SLC12A2: variants seen among roughly 807,000 people sequenced by gnomAD.
The protein encoded by SLC12A2 is solute carrier family 12 member 2.
A neutral mutation model predicts 136.3 loss-of-function variants in SLC12A2; 67 were observed. The ratio of observed to expected loss-of-function variants is 0.49; its 90% confidence interval spans 0.40 to 0.60. The LOEUF is 0.60. Among genes scored for constraint, SLC12A2 ranks in the 20% least tolerant of loss-of-function variants. The pLI is 0.00. For synonymous variants in SLC12A2, 619 were observed against 562.9 expected, an observed-to-expected ratio of 1.10 and a Z score of -1.41; for missense variants, 1,322 against 1,534.7, an observed-to-expected ratio of 0.86 and a Z score of 2.32.
In SLC12A2 at chr5:128,091,586, T is replaced by A. The variant is rs534581439; in HGVS notation, c.756+6876T>A. Among the ~76,000 whole-genome samples, 143 of 152,302 alleles carry A rather than the reference T, an allele frequency of 9.4e-4. 1 individual carries two copies. The highest frequency in any genetic ancestry group is 3.2e-3 in the African/African-American group (132 of 41,560). On this transcript the variant is annotated intron_variant, in intron 1 of 26. Transcript: ENST00000262461. ...ACTGAAGTTAAAAACATTAGTGGTGTCTCATTTAAACCATGAAAGCTACTA... is the reference window on the plus strand; with the variant it reads ...ACTGAAGTTAAAAACATTAGTGGTGACTCATTTAAACCATGAAAGCTACTA...
chr5:128,147,803 A>G (rs1355698674), intron 11 of SLC12A2, 74 bp downstream of exon 11: 2 of 899,658 alleles, frequency 2.2e-6, no homozygotes, highest in East Asian at 2.5e-5. Flanking sequence ...AATTGTTGCT[A>G]TTTTCAAATT....
chr5:128,159,934 C>T (rs1304639334), intron 16 of SLC12A2, among the ~76,000 whole-genome samples: 2 of 152,168 alleles, frequency 1.3e-5, no homozygotes, highest in East Asian at 1.9e-4. Context: ...AAGACACATA[C>T]ACACGTATGT....
chr5:128,084,562 C>G lies in SLC12A2; in HGVS notation c.608C>G (p.Thr203Ser). 6.2e-7 allele frequency: 1 copy of G among 1,613,710 alleles called. No homozygotes were observed. The highest frequency in any genetic ancestry group is 1.1e-5 in the South Asian group (1 of 91,078). Residue 203 changes from threonine (T) to serine (S), a missense_variant, in exon 1 of 27, where the codon ACC becomes AGC. This residue lies in a region of SLC12A2 where 32 missense variants were observed against 63.6 expected (regional missense o/e 0.50). Transcript: ENST00000262461. This position sits in a 1 kb window ranked among gnomAD's most constrained non-coding sequence, Gnocchi z 5.6. ...SGHHQHYYYD[T>S]HTNTYYLRTF... is the part of the protein sequence containing the mutation. Reference sequence around the variant, plus strand: ...CACCACCAGCACTACTATTATGATACCCACACCAACACCTACTACCTGCGC... The same window carrying G: ...CACCACCAGCACTACTATTATGATAGCCACACCAACACCTACTACCTGCGC...
chr5:128,111,006 A>G, intron 1 of SLC12A2: 2 of 735,906 alleles, frequency 2.7e-6, no homozygotes, highest in Non-Finnish European at 5.0e-6. Flanking sequence ...GATATGCAAA[A>G]TAACTTCTAT....
chr5:128,177,408 A>T, intron 21 of SLC12A2: 1 of 292,658 alleles, frequency 3.4e-6, no homozygotes. Flanking sequence ...AGCCGGTATT[A>T]ATTTTTTTTA....
chr5:128,087,404 C>G (rs976875715), intron 1 of SLC12A2, among the ~76,000 whole-genome samples: 2 of 151,958 alleles, frequency 1.3e-5, no homozygotes, highest in Admixed American at 6.6e-5. Flanking sequence ...TTAAGTGTTA[C>G]GAAAGAAAAG....
chr5:128,164,194 G>A (rs559633483), intron 17 of SLC12A2, among the ~76,000 whole-genome samples: 4 of 152,230 alleles, frequency 2.6e-5, no homozygotes, highest in South Asian at 4.2e-4. Flanking sequence ...AGGGCCCAGC[G>A]TTTGCACTTC....
chr5:128,109,907 G>A (rs1581068664), intron 1 of SLC12A2: 1 of 803,644 alleles, frequency 1.2e-6, no homozygotes, highest in East Asian at 2.4e-5. Flanking sequence ...GCCTTTGCAA[G>A]ATAGTGCAGC....
chr5:128,134,183 A>G lies in SLC12A2; in HGVS notation c.1207A>G (p.Ile403Val), dbSNP rs1315183940. ...ELLKEHSILM[I>V]DEINDIRIIG... ...TTTCTAGGAACATTCCATACTTATG[A>G]TAGATGAAATCAATGATATCCGAAT... Residue 403 changes from isoleucine (I) to valine (V), a missense_variant, in exon 6 of 27, where the codon ATA (isoleucine) becomes GTA (valine). Ile to Val is a conservative substitution (Grantham distance 29). This residue lies in a region of SLC12A2 where 110 missense variants were observed against 114.5 expected (regional missense o/e 0.96). Coordinates refer to ENST00000262461, the MANE Select transcript of SLC12A2 (RefSeq NM_001046.3). 1.9e-6 allele frequency: 3 copies of G among 1,576,756 alleles called. No individual in the cohort carries two copies. Among genetic ancestry groups the G allele is most frequent in the Non-Finnish European group, 2.6e-6 (3 of 1,147,010 alleles).
At chr5:128,184,671 G>T in intron 25 of SLC12A2, 118 bp from the exon 26 acceptor site, 1 of 1,510,066 alleles carries the variant, frequency 6.6e-7, no homozygotes. Context: ...ATAGAGAACA[G>T]ATATTTTTAT....
chr5:128,160,374 A>G (rs979009605), intron 16 of SLC12A2, among the ~76,000 whole-genome samples: 1 of 152,124 alleles, frequency 6.6e-6, no homozygotes, highest in African/African-American at 2.4e-5. Flanking sequence ...TGTATCTCAG[A>G]ACTTAAAGTT....
In SLC12A2 at chr5:128,111,133, T is replaced by C. The variant is rs577830785; in HGVS notation, c.757-1681T>C. On this transcript the variant is annotated intron_variant, in intron 1 of 26. Coordinates refer to ENST00000262461, the MANE Select transcript of SLC12A2 (RefSeq NM_001046.3). ...AGTATGAAGATAACGTTTCTACTTA[T>C]GCAGTATTCTCATGACTGTACTTTA... The C allele has an allele frequency of 6.4e-5, 27 of 420,860 alleles. 1 individual carries two copies. Among genetic ancestry groups the C allele is most frequent in the South Asian group, 4.2e-4 (15 of 35,824 alleles). 26.1% of individuals were successfully genotyped at this position (420,860 alleles called of 1,614,324 possible). A position where few individuals can be genotyped will look rare whatever the true frequency, so the allele number is the denominator to read the frequency against.
At chr5:128,156,727 G>A (rs903769821) in intron 15 of SLC12A2, among the ~76,000 whole-genome samples, 3 of 152,104 alleles carry the variant, frequency 2.0e-5, no homozygotes, top group Admixed American at 6.6e-5. Flanking sequence ...CAGAACCCAC[G>A]TTCCTTATCA....
intron 1 of SLC12A2, among the ~76,000 whole-genome samples, chr5:128,112,051 T>G (rs1295688249): frequency 6.6e-6 from 1 of 152,128 alleles, no homozygotes; most frequent in Non-Finnish European, 1.5e-5. Flanking sequence ...CCCTTTCCTT[T>G]CATGACCTTT....
At chr5:128,137,506 G>A (rs1762224653) in intron 7 of SLC12A2, among the ~76,000 whole-genome samples, 1 of 152,092 alleles carries the variant, frequency 6.6e-6, no homozygotes, top group African/African-American at 2.4e-5. Flanking sequence ...GTTTCCATCA[G>A]AACATTTACT....
chr5:128,143,221 A>G (rs535613845), intron 10 of SLC12A2, among the ~76,000 whole-genome samples: 18 of 152,134 alleles, frequency 1.2e-4, no homozygotes, highest in Admixed American at 2.0e-4. Flanking sequence ...ACCCATACCA[A>G]TTAAGTTCAG....
chr5:128,114,859 C>T (rs1186965391), intron 4 of SLC12A2, among the ~76,000 whole-genome samples, 178 bp downstream of exon 4: 2 of 152,230 alleles, frequency 1.3e-5, no homozygotes, highest in African/African-American at 2.4e-5. Flanking sequence ...TTTATGTCAA[C>T]TCATACACAT....
Position 128,110,399 on chromosome 5 carries a change from A to G in SLC12A2, c.757-2415A>G, listed in dbSNP as rs1474697176. 7.8e-6 allele frequency: 8 copies of G among 1,019,304 alleles called. No individual in the cohort carries two copies. The African/African-American group carries it at 1.3e-4, about 16-fold the overall frequency. 63.1% of individuals were successfully genotyped at this position (1,019,304 alleles called of 1,614,324 possible). A position where few individuals can be genotyped will look rare whatever the true frequency, so the allele number is the denominator to read the frequency against. On this transcript the variant is annotated intron_variant, in intron 1 of 26. Transcript: ENST00000262461. ...CTCCCTGGGAAAGCAAAAACTCCACAGCTGTCTTGAGAGGGCAAGACAGCC... is the reference window on the plus strand; with the variant it reads ...CTCCCTGGGAAAGCAAAAACTCCACGGCTGTCTTGAGAGGGCAAGACAGCC...
chr5:128,101,421 T>C (rs987420129), intron 1 of SLC12A2, among the ~76,000 whole-genome samples: 17 of 152,228 alleles, frequency 1.1e-4, no homozygotes, highest in African/African-American at 3.9e-4. Flanking sequence ...TTTTGATCTT[T>C]AACGTATCTT....
Sources: allele counts gnomAD v4.1 joint callset (sites outside exome capture counted in the v4.1 genomes callset), GRCh38; gene constraint gnomAD v4.1.1; regional missense constraint gnomAD v4.1.1; non-coding constraint Gnocchi (gnomAD v3.1); transcripts MANE v1.5; gene names NCBI Gene and HGNC (gene_info 2026-07-23, HGNC 2026-07-21).